Variants in PAK3 observed in about 807,000 individuals in gnomAD.
The protein encoded by PAK3 is serine/threonine-protein kinase PAK 3.
In PAK3, 4 loss-of-function variants were observed where a neutral mutation model predicts 41.0. That is an observed-to-expected ratio of 0.10 (90% confidence interval 0.05 to 0.22). PAK3 has a LOEUF of 0.22. PAK3 is among the 10% of genes least tolerant of loss of function. The pLI is 1.00. For missense variants in PAK3, 205 were observed against 409.9 expected, an observed-to-expected ratio of 0.50 and a Z score of 4.32; for synonymous variants, 146 against 139.6, an observed-to-expected ratio of 1.05 and a Z score of -0.32.
chrX:111,137,116 A>G (rs375645300), intron 5 of PAK3, among the ~76,000 whole-genome samples: 3 of 112,234 alleles, frequency 2.7e-5, no homozygotes, highest in Admixed American at 9.4e-5. Context: ...CAAAGTACTC[A>G]ATGGAGAACA....
rs773022815 is a variant in PAK3 at position 111,122,968 on chromosome X, G to A, written c.-27-109G>A. On this transcript the variant is annotated intron_variant, in intron 4 of 17. Transcript: ENST00000372007. ...AAAACGATCCTCACACAAAACCTGA[G>A]AAAACATGAGAGCAATGCTTTTGTT... is the stretch of plus-strand genomic sequence containing the variant. 6.0e-5 allele frequency: 34 copies of A among 569,089 alleles called. No individual in the cohort carries two copies. In the Admixed American group the frequency reaches 7.4e-4, roughly 12 times the overall value. The allele number at this position is 569,089 out of a possible 1,213,427, so 46.9% of individuals were successfully genotyped here.
At chrX:111,188,511 G>A (rs747212273) in intron 11 of PAK3, among the ~76,000 whole-genome samples, 1 of 111,616 alleles carries the variant, frequency 9.0e-6, no homozygotes, top group Admixed American at 9.5e-5. Flanking sequence ...CTTCCCTAGG[G>A]GGGGAGAAAG....
At chrX:111,207,091 T>C (rs2094757812) in intron 16 of PAK3, among the ~76,000 whole-genome samples, 2 of 108,245 alleles carry the variant, frequency 1.8e-5, no homozygotes, top group South Asian at 7.8e-4. Flanking sequence ...TGTGTGTGTG[T>C]GTGTGTGTAT....
chrX:111,037,373 AT>A, intron 1 of PAK3, among the ~76,000 whole-genome samples: 1 of 111,925 alleles, frequency 8.9e-6, no homozygotes. Context: ...AATTGAGAGG[AT>A]TTCCTTTTGG....
chrX:110,992,301 G>A (rs2091663455), intron 1 of PAK3, among the ~76,000 whole-genome samples: 1 of 111,574 alleles, frequency 9.0e-6, no homozygotes, highest in Admixed American at 9.5e-5. Flanking sequence ...AGTGAATGAA[G>A]GGAAGAGTAT....
intron 16 of PAK3, among the ~76,000 whole-genome samples, chrX:111,201,609 T>C (rs988334387): frequency 6.3e-5 from 7 of 110,874 alleles, no homozygotes; most frequent in Non-Finnish European, 1.3e-4. Context: ...AGCATGTTGA[T>C]GTGAAAAATT....
intron 4 of PAK3, among the ~76,000 whole-genome samples, chrX:111,111,585 T>A (rs1414145195): frequency 1.8e-5 from 2 of 112,203 alleles, no homozygotes; most frequent in Non-Finnish European, 3.8e-5. Flanking sequence ...TTACAGGTGG[T>A]CTAATGGTTG....
At chrX:111,010,186 C>T (rs2091991353) in intron 1 of PAK3, among the ~76,000 whole-genome samples, 1 of 111,733 alleles carries the variant, frequency 8.9e-6, no homozygotes, top group Admixed American at 9.4e-5. Context: ...AATATAAAAA[C>T]ATGCAGGGAA....
intron 1 of PAK3, among the ~76,000 whole-genome samples, chrX:110,961,871 T>C (rs1158610104): frequency 8.9e-6 from 1 of 112,324 alleles, no homozygotes; most frequent in East Asian, 2.8e-4. Context: ...TTACTTGTTG[T>C]TTCTGAGTCA....
At chrX:110,963,330 A>G (rs1169623637) in intron 1 of PAK3, among the ~76,000 whole-genome samples, 1 of 112,195 alleles carries the variant, frequency 8.9e-6, no homozygotes, top group Admixed American at 9.4e-5. Context: ...ACTAATTCCC[A>G]GTGAGCTCTT....
chrX:111,169,431 A>C (rs1305564225), intron 10 of PAK3: 9 of 124,015 alleles, frequency 7.3e-5, no homozygotes, highest in Non-Finnish European at 1.5e-4. Flanking sequence ...TAATTCTTAC[A>C]AGTCAAAGTT....
intron 1 of PAK3, among the ~76,000 whole-genome samples, chrX:111,079,714 C>A (rs762780078): frequency 1.8e-5 from 2 of 112,401 alleles, no homozygotes; most frequent in East Asian, 5.6e-4. Context: ...GATAGCAATT[C>A]TTCTGATCAG....
chrX:111,159,330 A>T (rs1301014467), intron 8 of PAK3, among the ~76,000 whole-genome samples: 2 of 111,691 alleles, frequency 1.8e-5, no homozygotes, highest in Non-Finnish European at 3.8e-5. Context: ...TTAAACATTA[A>T]TTAATTTTGA....
chrX:111,116,171 C>A (rs2093460240), intron 4 of PAK3, among the ~76,000 whole-genome samples: 1 of 111,043 alleles, frequency 9.0e-6, no homozygotes, highest in Non-Finnish European at 1.9e-5. Context: ...CATCTGAATG[C>A]TTCCAAGGAT....
chrX:111,050,068 T>G (rs1737272870), intron 1 of PAK3, among the ~76,000 whole-genome samples: 1 of 111,871 alleles, frequency 8.9e-6, no homozygotes, highest in Non-Finnish European at 1.9e-5. Flanking sequence ...AAATCTTTAT[T>G]TCAAGGGATC....
intron 1 of PAK3, among the ~76,000 whole-genome samples, chrX:111,019,204 G>T (rs1342306653): frequency 9.0e-6 from 1 of 111,415 alleles, no homozygotes; most frequent in Non-Finnish European, 1.9e-5. Flanking sequence ...TATTGTATAT[G>T]ACATCAAAAG....
chrX:111,176,238 T>C (rs1053640164), intron 11 of PAK3, among the ~76,000 whole-genome samples: 2 of 110,734 alleles, frequency 1.8e-5, no homozygotes, highest in African/African-American at 6.6e-5. Flanking sequence ...CTAATGAAAA[T>C]GTTTGTCTTT....
At chrX:111,026,638 C>T (rs771048757) in intron 1 of PAK3, among the ~76,000 whole-genome samples, 11 of 111,444 alleles carry the variant, frequency 9.9e-5, no homozygotes, top group African/African-American at 3.6e-4. Context: ...AACTACAAAA[C>T]ACTGCTGAAA....
At chrX:111,094,508 T>A (rs1202930606), upstream of PAK3, among the ~76,000 whole-genome samples, 1 of 110,601 alleles carries the variant, frequency 9.0e-6, no homozygotes, top group Non-Finnish European at 1.9e-5. Context: ...ATGGTCTGGA[T>A]TACATCGTTT....
Sources: gnomAD v4.1 joint callset for allele counts (sites outside exome capture counted in the v4.1 genomes callset) on GRCh38, gnomAD v4.1.1 for gene constraint, MANE v1.5 for transcripts, NCBI Gene and HGNC (gene_info 2026-07-23, HGNC 2026-07-21) for gene names.